Variants in RAB38 observed in about 807,000 individuals in gnomAD.
The protein encoded by RAB38 is RAB38, member RAS oncogene family, also known as ras-related protein Rab-38.
A neutral mutation model predicts 18.4 loss-of-function variants in RAB38; 15 were observed. The ratio of observed to expected loss-of-function variants is 0.82; its 90% CI spans 0.55 to 1.26. RAB38 has a LOEUF of 1.26. RAB38 is among the 50% of genes most tolerant of loss of function. RAB38 has a pLI of 0.00. For missense variants in RAB38, 294 were observed against 267.4 expected (o/e 1.10, Z -0.69); for synonymous variants, 101 against 104.4 (o/e 0.97, Z 0.20).
At chr11:88,162,799 T>C (rs760911213) in intron 1 of RAB38, among the ~76,000 whole-genome samples, 5 of 152,222 alleles carry the variant, frequency 3.3e-5, no homozygotes, top group Admixed American at 2.0e-4. Context: ...TAAAGGCTAA[T>C]TTTCAGACTG....
chr11:87,953,012 TTAA>T, the RAB38 span, among the ~76,000 whole-genome samples: 2 of 152,162 alleles, frequency 1.3e-5, no homozygotes, highest in African/African-American at 2.4e-5. Context: ...AATTAAAATT[TTAA>T]TAACTTTTTA....
At chr11:88,057,249 C>G in the RAB38 span, among the ~76,000 whole-genome samples, 1 of 152,186 alleles carries the variant, frequency 6.6e-6, no homozygotes, top group South Asian at 2.1e-4. Context: ...AGGCATTCAA[C>G]CAGATATTCG....
At chr11:88,053,601 C>T in the RAB38 span, among the ~76,000 whole-genome samples, 2 of 151,232 alleles carry the variant, frequency 1.3e-5, no homozygotes, top group South Asian at 4.2e-4. Flanking sequence ...TTTATAAAAA[C>T]CAATAGGAGC....
chr11:88,046,274 C>T, the RAB38 span, among the ~76,000 whole-genome samples: 1 of 152,190 alleles, frequency 6.6e-6, no homozygotes, highest in Non-Finnish European at 1.5e-5. Context: ...ACAATTCCCC[C>T]ATTTTACCTG....
At chr11:87,909,441 TTC>T in the RAB38 span, among the ~76,000 whole-genome samples, 2 of 151,996 alleles carry the variant, frequency 1.3e-5, no homozygotes, top group Admixed American at 1.3e-4. Context: ...AGAATATTCT[TTC>T]TCTCTCTCTC....
chr11:88,032,029 G>A, the RAB38 span, among the ~76,000 whole-genome samples: 1 of 150,824 alleles, frequency 6.6e-6, no homozygotes, highest in Non-Finnish European at 1.5e-5. Flanking sequence ...TACCAAAACA[G>A]AGATATAGAT....
At chr11:87,961,509 T>TC in the RAB38 span, among the ~76,000 whole-genome samples, 1 of 151,904 alleles carries the variant, frequency 6.6e-6, no homozygotes, top group Non-Finnish European at 1.5e-5. Flanking sequence ...ACAGTATTCA[T>TC]CCCCCAACAT....
the RAB38 span, among the ~76,000 whole-genome samples, chr11:87,905,496 T>G: frequency 6.6e-6 from 1 of 151,972 alleles, no homozygotes; most frequent in Non-Finnish European, 1.5e-5. Context: ...ACTTGCAGAC[T>G]TAATTTACTT....
chr11:88,014,041 A>G, the RAB38 span, among the ~76,000 whole-genome samples: 1 of 152,162 alleles, frequency 6.6e-6, no homozygotes, highest in African/African-American at 2.4e-5. Flanking sequence ...GAGATAGAAG[A>G]CAAGTGCACT....
the RAB38 span, among the ~76,000 whole-genome samples, chr11:87,822,072 A>G: frequency 6.6e-6 from 1 of 152,104 alleles, no homozygotes; most frequent in Non-Finnish European, 1.5e-5. Flanking sequence ...GTTGAAATAA[A>G]ACACATTACT....
chr11:87,847,506 C>T, the RAB38 span, among the ~76,000 whole-genome samples: 1 of 151,976 alleles, frequency 6.6e-6, no homozygotes, highest in Non-Finnish European at 1.5e-5. Context: ...CAAAATTCTC[C>T]CTCTCTTTCA....
the RAB38 span, among the ~76,000 whole-genome samples, chr11:88,106,644 G>C: frequency 6.6e-6 from 1 of 152,080 alleles, no homozygotes; most frequent in African/African-American, 2.4e-5. Context: ...TCAAATTGAA[G>C]AAAATAAATT....
the RAB38 span, among the ~76,000 whole-genome samples, chr11:87,842,842 AC>A: frequency 6.2e-5 from 9 of 146,228 alleles, no homozygotes; most frequent in Non-Finnish European, 1.0e-4. Context: ...ACACACACAC[AC>A]ACAAATCCCT....
At chr11:87,967,623 G>A in the RAB38 span, among the ~76,000 whole-genome samples, 1 of 152,110 alleles carries the variant, frequency 6.6e-6, no homozygotes, top group African/African-American at 2.4e-5. Flanking sequence ...GGTGAGGAAT[G>A]CCTCTTCTCC....
the RAB38 span, among the ~76,000 whole-genome samples, chr11:87,865,760 C>T: frequency 2.0e-5 from 3 of 151,596 alleles, no homozygotes; most frequent in Admixed American, 1.3e-4. Flanking sequence ...TGTGAGAGTC[C>T]GCAGACTTGG....
At chr11:87,861,963 A>G in the RAB38 span, among the ~76,000 whole-genome samples, 1 of 151,998 alleles carries the variant, frequency 6.6e-6, no homozygotes, top group Admixed American at 6.6e-5. Context: ...CCACAGTGAG[A>G]TACCATCTCA....
At chr11:87,823,618 A>G in the RAB38 span, among the ~76,000 whole-genome samples, 7 of 152,214 alleles carry the variant, frequency 4.6e-5, no homozygotes, top group African/African-American at 1.2e-4. Context: ...CCACATGTCA[A>G]TTGATTTTTG....
At chr11:87,810,681 C>T in the RAB38 span, among the ~76,000 whole-genome samples, 2 of 151,752 alleles carry the variant, frequency 1.3e-5, no homozygotes, top group African/African-American at 4.8e-5. Flanking sequence ...GTGGTAGGGG[C>T]AAAGTTCTAT....
the RAB38 span, among the ~76,000 whole-genome samples, chr11:87,850,687 T>C: frequency 3.3e-5 from 5 of 150,458 alleles, no homozygotes; most frequent in Non-Finnish European, 4.4e-5. Context: ...GAATTAGCTT[T>C]TGGGGGGATC....
Sources: gnomAD v4.1 joint callset for allele counts (sites outside exome capture counted in the v4.1 genomes callset) on GRCh38, gnomAD v4.1.1 for gene constraint, MANE v1.5 for transcripts, NCBI Gene and HGNC (gene_info 2026-07-23, HGNC 2026-07-21) for gene names.